The following KLRD1 variants were observed in gnomAD, a reference collection of about 807,000 sequenced individuals.
KLRD1 encodes natural killer cells antigen CD94.
KLRD1 carries 21 observed loss-of-function variants against 22.6 expected under a neutral mutation model. That is an observed-to-expected ratio of 0.93 (90% CI 0.66 to 1.34). The LOEUF is 1.34. KLRD1 is among the 40% of genes most tolerant of loss of function. The pLI is 0.00. For missense variants in KLRD1, 183 were observed against 208.6 expected (o/e 0.88, Z 0.76); for synonymous variants, 59 against 71.1 (o/e 0.83, Z 0.85).
At chr12:10,244,456 A>G (rs1949272085) in intron 1 of KLRD1, among the ~76,000 whole-genome samples, 1 of 152,144 alleles carries the variant, frequency 6.6e-6, no homozygotes, top group South Asian at 2.1e-4. Context: ...AACAAAGGAA[A>G]AAGTTTTCAT....
At chr12:10,314,253 T>G (rs189410278) in intron 5 of KLRD1, among the ~76,000 whole-genome samples, 3 of 152,330 alleles carry the variant, frequency 2.0e-5, no homozygotes, top group Admixed American at 2.0e-4. Context: ...TTATATACTA[T>G]AGACTCATTG....
chr12:10,285,941 C>T (rs1033890445), intron 1 of KLRD1, among the ~76,000 whole-genome samples: 1 of 152,198 alleles, frequency 6.6e-6, no homozygotes, highest in Non-Finnish European at 1.5e-5. Flanking sequence ...TCTCTTCTCT[C>T]CTCCTTAAGC....
chr12:10,305,904 T>A (rs1949915840), upstream of KLRD1, among the ~76,000 whole-genome samples: 1 of 152,046 alleles, frequency 6.6e-6, no homozygotes. Flanking sequence ...GGCTCACGCC[T>A]GTAATCCCAG....
At position 10,263,924 on chromosome 12, in the gene KLRD1, T is replaced by C. The variant is rs948021158; in HGVS notation, c.-101+37691T>C. 2.6e-5 allele frequency among the ~76,000 whole-genome samples: 4 copies of C among 152,244 alleles called. No individual in the cohort carries two copies. The East Asian group carries it at 5.8e-4, about 22-fold the overall frequency. Reference sequence around the variant, plus strand: ...TTTGTTCCCAAATTGGGTTATTCCGTATTTTAAATATATTCTCATAGGATG... The same window carrying C: ...TTTGTTCCCAAATTGGGTTATTCCGCATTTTAAATATATTCTCATAGGATG... On this transcript the variant is annotated intron_variant, in intron 1 of 5. Transcript: ENST00000544747.
rs1950383185 is a variant in KLRD1 at position 10,328,744 on chromosome 12, C to T, written c.*13951C>T. On this transcript the variant is annotated 3_prime_UTR_variant, in exon 6 of 6. Coordinates refer to ENST00000336164, the MANE Select transcript of KLRD1 (RefSeq NM_002262.5). ...CTTGGGATATGTATTAGTCCATTTT[C>T]ACACTGTTGATAAAGACTTAACTGA... is the stretch of plus-strand genomic sequence containing the variant. 6.6e-6 allele frequency: 1 copy of T among 152,004 alleles called. No individual in the cohort carries two copies. Among genetic ancestry groups the T allele is most frequent in the Non-Finnish European group, 1.5e-5 (1 of 68,012 alleles). The allele number at this position is 152,004 out of a possible 1,614,324, so 9.4% of individuals were successfully genotyped here. A position where few individuals can be genotyped will look rare whatever the true frequency, so the allele number is the denominator to read the frequency against.
intron 1 of KLRD1, among the ~76,000 whole-genome samples, chr12:10,248,330 G>A (rs1456846270): frequency 6.6e-6 from 1 of 152,052 alleles, no homozygotes; most frequent in East Asian, 1.9e-4. Context: ...AAATCTTGGA[G>A]ACATTAGAGG....
rs1266831697 is a variant in KLRD1, at chr12:10,313,512, CTG to C, written c.419+1_419+2del. On this transcript the variant is annotated splice_donor_variant and coding_sequence_variant, in exon 5 of 6. Transcript: ENST00000336164. LOFTEE classifies it high-confidence loss of function. ...GAATGGCTCTGCACTCTCCCAGTAT[CTG>C]TAAGTTTCTGGCAATCATGGCGTTT... The C allele has an allele frequency of 1.3e-6, 2 of 1,540,258 alleles. No homozygotes were observed.
Position 10,314,587 on chromosome 12 carries a change from T to A in KLRD1, c.420-86T>A, listed in dbSNP as rs1303683146. On this transcript the variant is annotated intron_variant, in intron 5 of 5. Coordinates refer to ENST00000336164, the MANE Select transcript of KLRD1 (RefSeq NM_002262.5). ...ATGTTAGTATCTCACTCAAATGCTT[T>A]TAAAATTTATATCATTTAATTGAAA... 5 of 1,288,654 alleles carry A rather than the reference T, an allele frequency of 3.9e-6. No homozygotes were observed. In the Admixed American group the frequency reaches 1.4e-4, roughly 36 times the overall value. 79.8% of individuals were successfully genotyped at this position (1,288,654 alleles called of 1,614,324 possible).
intron 1 of KLRD1, among the ~76,000 whole-genome samples, chr12:10,244,184 C>G (rs1469610555): frequency 6.6e-6 from 1 of 152,042 alleles, no homozygotes; most frequent in East Asian, 1.9e-4. Context: ...AAAAAAATAT[C>G]TACGTCATAG....
intron 1 of KLRD1, among the ~76,000 whole-genome samples, chr12:10,239,887 C>T (rs1017600793): frequency 2.6e-5 from 4 of 151,870 alleles, no homozygotes; most frequent in African/African-American, 7.3e-5. Context: ...AGTGATCCGC[C>T]CGCCTCAGCC....
At chr12:10,269,125 A>G (rs751164571) in intron 1 of KLRD1, among the ~76,000 whole-genome samples, 2 of 151,846 alleles carry the variant, frequency 1.3e-5, no homozygotes, top group Admixed American at 6.6e-5. Context: ...ATTTTCTGTT[A>G]TTAAGATATA....
At chr12:10,295,396 A>T (rs994686878) in intron 1 of KLRD1, among the ~76,000 whole-genome samples, 3 of 152,202 alleles carry the variant, frequency 2.0e-5, no homozygotes, top group African/African-American at 7.2e-5. Context: ...TTTCTAATGA[A>T]GAAAAAATTT....
chr12:10,279,847 T>A (rs1255199049), intron 1 of KLRD1, among the ~76,000 whole-genome samples: 2 of 152,200 alleles, frequency 1.3e-5, no homozygotes, highest in Admixed American at 6.5e-5. Context: ...GCTAATGTTG[T>A]TACCTGTGGT....
intron 1 of KLRD1, among the ~76,000 whole-genome samples, chr12:10,260,348 T>G (rs1035589625): frequency 1.3e-5 from 2 of 152,246 alleles, no homozygotes; most frequent in African/African-American, 2.4e-5. Flanking sequence ...TTTGTCTTTT[T>G]TTTTCAACAG....
Position 10,322,203 on chromosome 12 carries a change from T to G in KLRD1, c.*7410T>G, listed in dbSNP as rs535954201. 6.6e-6 allele frequency: 1 copy of G among 152,368 alleles called. No individual in the cohort carries two copies. The highest frequency in any genetic ancestry group is 2.1e-4 in the South Asian group (1 of 4,818). 9.4% of individuals were successfully genotyped at this position (152,368 alleles called of 1,614,324 possible). Reference sequence around the variant, plus strand: ...CTGGGATTACAGGCACCCACCACCATGCCTGGCTAATTTTTGTATTTTCAG... The same window carrying G: ...CTGGGATTACAGGCACCCACCACCAGGCCTGGCTAATTTTTGTATTTTCAG... On this transcript the variant is annotated 3_prime_UTR_variant, in exon 6 of 6. Transcript: ENST00000336164.
Position 10,314,672 on chromosome 12 carries a change from G to T in KLRD1, c.420-1G>T. The T allele has an allele frequency of 6.4e-7, 1 of 1,556,554 alleles. No individual in the cohort carries two copies. On this transcript the variant is annotated splice_acceptor_variant, in intron 5 of 5. Transcript: ENST00000336164. LOFTEE classifies it high-confidence loss of function. ...TGTGAACATTTTCTTCTTCATTACA[G>T]ATTTCCATCATTTGAAACTTTTAAT...
chr12:10,256,780 A>G (rs894865857), intron 1 of KLRD1, among the ~76,000 whole-genome samples: 5 of 152,040 alleles, frequency 3.3e-5, no homozygotes, highest in Non-Finnish European at 7.4e-5. Context: ...TGATGCATTT[A>G]TCTTTACCAG....
At chr12:10,296,282 C>T (rs1257195137) in intron 1 of KLRD1, among the ~76,000 whole-genome samples, 2 of 151,930 alleles carry the variant, frequency 1.3e-5, no homozygotes. Flanking sequence ...TTTGGGAGGC[C>T]GAGGCGGGTG....
At position 10,328,841 on chromosome 12, in the gene KLRD1, T is replaced by A. The variant is rs1443954352; in HGVS notation, c.*14048T>A. 6 of 152,230 alleles carry A rather than the reference T, an allele frequency of 3.9e-5. No homozygotes were observed. Among genetic ancestry groups the A allele is most frequent in the South Asian group, 2.1e-4 (1 of 4,826 alleles). 9.4% of individuals were successfully genotyped at this position (152,230 alleles called of 1,614,324 possible). ...TTCCACGTGGCTGGGGAGGCCTCAC[T>A]ATCATGGCAGAAGGTAAAACACATG... On this transcript the variant is annotated 3_prime_UTR_variant, in exon 6 of 6. Coordinates refer to ENST00000336164, the MANE Select transcript of KLRD1 (RefSeq NM_002262.5).
Sources: gnomAD v4.1 joint callset for allele counts (sites outside exome capture counted in the v4.1 genomes callset) on GRCh38, gnomAD v4.1.1 for gene constraint, MANE v1.5 for transcripts, NCBI Gene and HGNC (gene_info 2026-07-23, HGNC 2026-07-21) for gene names.